Variants in KCNJ6 observed in about 807,000 individuals in gnomAD.
The protein encoded by KCNJ6 is G protein-activated inward rectifier potassium channel 2.
KCNJ6 carries 9 observed loss-of-function variants against 34.2 expected under a neutral mutation model. The ratio of observed to expected loss-of-function variants is 0.26; its 90% CI spans 0.16 to 0.46. The LOEUF (loss-of-function observed/expected upper bound fraction) is 0.46. KCNJ6 is among the 20% of genes least tolerant of loss of function. The pLI, the probability that KCNJ6 is intolerant of heterozygous loss-of-function variation, is 1.00. For synonymous variants in KCNJ6, 196 were observed against 207.1 expected, an observed-to-expected ratio of 0.95 and a Z score of 0.46; for missense variants, 236 against 531.3, an observed-to-expected ratio of 0.44 and a Z score of 5.46.
intron 3 of KCNJ6, among the ~76,000 whole-genome samples, chr21:37,673,172 G>A (rs887812500): frequency 2.0e-5 from 3 of 152,246 alleles, no homozygotes; most frequent in Non-Finnish European, 1.5e-5. Context: ...GGAAAGAGGA[G>A]TGGTGGAAAT....
In KCNJ6 at chr21:37,800,031, T is replaced by G. The variant is rs533149536; in HGVS notation, c.25+40627A>C. 4.6e-5 allele frequency among the ~76,000 whole-genome samples: 7 copies of G among 152,320 alleles called. No individual in the cohort carries two copies. In the East Asian group the frequency reaches 1.3e-3, roughly 29 times the overall value. On this transcript the variant is annotated intron_variant, in intron 2 of 3. Transcript: ENST00000609713. ...TCACCCCTAGGATAACACCATGAACTGCAGACAAATGTATCTGAGGCATTT... is the reference window on the plus strand; with the variant it reads ...TCACCCCTAGGATAACACCATGAACGGCAGACAAATGTATCTGAGGCATTT...
chr21:37,834,716 G>C (rs1443207982), intron 2 of KCNJ6, among the ~76,000 whole-genome samples: 1 of 152,228 alleles, frequency 6.6e-6, no homozygotes, highest in African/African-American at 2.4e-5. Flanking sequence ...TGACACAACA[G>C]CATTTCAAAT....
chr21:37,852,034 A>G (rs996534167), intron 1 of KCNJ6, among the ~76,000 whole-genome samples: 6 of 152,220 alleles, frequency 3.9e-5, no homozygotes, highest in Non-Finnish European at 8.8e-5. Flanking sequence ...GAGGTAGTCT[A>G]AGAAGACAGA....
intron 2 of KCNJ6, among the ~76,000 whole-genome samples, chr21:37,801,591 G>C (rs186328079): frequency 6.6e-6 from 1 of 152,178 alleles, no homozygotes; most frequent in Non-Finnish European, 1.5e-5. Flanking sequence ...AACGCTGAGC[G>C]AATATGTCTC....
chr21:37,647,443 A>G (rs903116914), intron 3 of KCNJ6, among the ~76,000 whole-genome samples: 2 of 152,156 alleles, frequency 1.3e-5, no homozygotes, highest in Non-Finnish European at 2.9e-5. Flanking sequence ...ATCCTTTGAC[A>G]TCTGAGGCTG....
intron 1 of KCNJ6, among the ~76,000 whole-genome samples, chr21:37,914,928 T>C (rs74925260): frequency 6.6e-5 from 10 of 151,462 alleles, no homozygotes; most frequent in Middle Eastern, 3.4e-3. Flanking sequence ...TTTTTTTTTT[T>C]TCTCTTCCTT....
At chr21:37,649,640 T>C (rs1030774481) in intron 3 of KCNJ6, among the ~76,000 whole-genome samples, 4 of 152,156 alleles carry the variant, frequency 2.6e-5, no homozygotes, top group African/African-American at 9.7e-5. Context: ...CAGGTGCTGC[T>C]TCCAGATGAA....
rs190147997 is a variant in KCNJ6 at position 37,794,490 on chromosome 21, C to A, written c.25+46168G>T. ...ACCAAAGACTGGGAAAAGCAAAGAC[C>A]TCACTAATGTTAGCTGTTAGTTCTT... On this transcript the variant is annotated intron_variant, in intron 2 of 3. Coordinates refer to ENST00000609713, the MANE Select transcript of KCNJ6 (RefSeq NM_002240.5). Among the ~76,000 whole-genome samples the A allele has an allele frequency of 1.2e-3, 189 of 152,276 alleles. 2 individuals carry two copies. The highest frequency in any genetic ancestry group is 4.3e-3 in the African/African-American group (177 of 41,558).
intron 2 of KCNJ6, among the ~76,000 whole-genome samples, chr21:37,732,571 G>A (rs1042392773): frequency 6.6e-6 from 1 of 152,284 alleles, no homozygotes; most frequent in African/African-American, 2.4e-5. Flanking sequence ...TGGGCAGGAC[G>A]TTTCCTCGTC....
chr21:37,908,292 A>T (rs576025071), intron 1 of KCNJ6, among the ~76,000 whole-genome samples: 1 of 152,324 alleles, frequency 6.6e-6, no homozygotes, highest in African/African-American at 2.4e-5. Flanking sequence ...TTTTGCTTCT[A>T]GTGAAAAGGT....
intron 2 of KCNJ6, among the ~76,000 whole-genome samples, chr21:37,736,793 T>C (rs1268316850): frequency 1.3e-5 from 2 of 152,138 alleles, no homozygotes; most frequent in Admixed American, 6.5e-5. Flanking sequence ...TGAGGCCAGG[T>C]TGGAACATCT....
At chr21:37,746,270 T>G (rs2054967273) in intron 2 of KCNJ6, among the ~76,000 whole-genome samples, 1 of 152,150 alleles carries the variant, frequency 6.6e-6, no homozygotes, top group Admixed American at 6.5e-5. Flanking sequence ...GGGAGCGGGT[T>G]AAGGAAAGCA....
At chr21:37,717,226 T>G (rs1195885197) in intron 2 of KCNJ6, 1 of 154,242 alleles carries the variant, frequency 6.5e-6, no homozygotes, top group African/African-American at 2.4e-5. Flanking sequence ...ATAAGAAAAG[T>G]CATTCATTTG....
At chr21:37,633,134 GAC>G (rs1245175921) in intron 3 of KCNJ6, among the ~76,000 whole-genome samples, 2 of 152,056 alleles carry the variant, frequency 1.3e-5, no homozygotes, top group Non-Finnish European at 2.9e-5. Context: ...TAGAAAAAAA[GAC>G]ACCATGATCA....
intron 2 of KCNJ6, among the ~76,000 whole-genome samples, chr21:37,727,458 CGTGT>C (rs33993661): frequency 1.4e-5 from 2 of 148,028 alleles, no homozygotes; most frequent in African/African-American, 2.6e-5. Context: ...TGAGGACTCA[CGTGT>C]GTGTGTGTGT....
At position 37,620,484 on chromosome 21, in the gene KCNJ6, A is replaced by C. The variant is rs1478889398; in HGVS notation, c.*4675T>G. The C allele has an allele frequency of 2.0e-5, 3 of 152,196 alleles. No individual in the cohort carries two copies. 9.4% of individuals were successfully genotyped at this position (152,196 alleles called of 1,614,324 possible). A position where few individuals can be genotyped will look rare whatever the true frequency, so the allele number is the denominator to read the frequency against. ...TTTCTTTTTTTTCCCCCAATTATTAAAAAATGTAAAAATTGCTCTTAGCTC... is the reference window on the plus strand; with the variant it reads ...TTTCTTTTTTTTCCCCCAATTATTACAAAATGTAAAAATTGCTCTTAGCTC... On this transcript the variant is annotated 3_prime_UTR_variant, in exon 4 of 4. Transcript: ENST00000609713.
chr21:37,608,965 T>C lies in KCNJ6; in HGVS notation c.*16194A>G, dbSNP rs1295776257. The C allele has an allele frequency of 1.3e-5, 2 of 152,216 alleles. No homozygotes were observed. The highest frequency in any genetic ancestry group is 4.8e-5 in the African/African-American group (2 of 41,454). The allele number at this position is 152,216 out of a possible 1,614,324, so 9.4% of individuals were successfully genotyped here. The stretch of plus-strand genomic sequence containing the variant: ...GTCCTTGTCTAGTTTTAGTTGCCTG[T>C]TGGGATCCCTGAGTATAAAAATACA... On this transcript the variant is annotated 3_prime_UTR_variant, in exon 4 of 4. Transcript: ENST00000609713.
intron 2 of KCNJ6, among the ~76,000 whole-genome samples, chr21:37,805,199 T>C (rs989085219): frequency 2.6e-5 from 4 of 152,120 alleles, no homozygotes; most frequent in Non-Finnish European, 5.9e-5. Context: ...GATGGTTGCA[T>C]GAATTTGTGA....
intron 2 of KCNJ6, among the ~76,000 whole-genome samples, chr21:37,750,658 C>T (rs2054990711): frequency 6.6e-6 from 1 of 151,730 alleles, no homozygotes; most frequent in South Asian, 2.1e-4. Flanking sequence ...TGTTCTCTCT[C>T]ATAAGTGGGA....
Sources: allele counts gnomAD v4.1 joint callset (sites outside exome capture counted in the v4.1 genomes callset), GRCh38; gene constraint gnomAD v4.1.1; transcripts MANE v1.5; gene names NCBI Gene and HGNC (gene_info 2026-07-23, HGNC 2026-07-21).